PRKCA: variants seen among roughly 807,000 people sequenced by gnomAD.
The protein encoded by PRKCA is protein kinase C alpha.
PRKCA carries 27 observed loss-of-function variants against 87.0 expected under a neutral mutation model. That is an observed-to-expected ratio of 0.31 (90% CI 0.23 to 0.43). PRKCA has a LOEUF of 0.43. Among genes scored for constraint, PRKCA ranks in the 20% least tolerant of loss-of-function variants. The pLI, the probability that PRKCA is intolerant of heterozygous loss-of-function variation, is 1.00. For missense variants in PRKCA, 518 were observed against 852.3 expected, an observed-to-expected ratio of 0.61 and a Z score of 4.88; for synonymous variants, 329 against 311.1, an observed-to-expected ratio of 1.06 and a Z score of -0.61.
At chr17:66,776,397 G>A (rs149226689) in intron 14 of PRKCA, among the ~76,000 whole-genome samples, 2 of 152,182 alleles carry the variant, frequency 1.3e-5, no homozygotes, top group East Asian at 1.9e-4. Context: ...TGCACCCTCC[G>A]CCTCCCAGGT....
intron 3 of PRKCA, among the ~76,000 whole-genome samples, chr17:66,629,701 C>T (rs1002986249): frequency 1.1e-4 from 17 of 152,036 alleles, no homozygotes; most frequent in Admixed American, 9.2e-4. Flanking sequence ...AATGGTATCA[C>T]ATTTTAATAG....
In PRKCA at chr17:66,587,723, ATG is replaced by A. The variant is rs1319681888; in HGVS notation, c.289-53630_289-53629del. 9.0e-3 allele frequency among the ~76,000 whole-genome samples: 642 copies of A among 71,550 alleles called. 6 individuals carry two copies. Among genetic ancestry groups the A allele is most frequent in the Admixed American group, 0.014 (89 of 6,542 alleles). The allele number at this position is 71,550 out of a possible 152,430, so 46.9% of individuals were successfully genotyped here. On this transcript the variant is annotated intron_variant, in intron 3 of 16. Transcript: ENST00000413366. ...TACATATATACGTATATGTGTGTAT[ATG>A]TATACATATATACGTATATGTGTGT...
At chr17:66,572,851 A>G (rs546422617) in intron 3 of PRKCA, among the ~76,000 whole-genome samples, 17 of 152,282 alleles carry the variant, frequency 1.1e-4, no homozygotes, top group African/African-American at 4.1e-4. Context: ...AGTTTTTGCT[A>G]TAGTATGAGA....
intron 13 of PRKCA, among the ~76,000 whole-genome samples, chr17:66,749,609 G>A (rs1415511451): frequency 6.6e-6 from 1 of 152,176 alleles, no homozygotes; most frequent in Admixed American, 6.5e-5. Context: ...TCCACCACGG[G>A]CAGAATTTCA....
chr17:66,354,270 G>T (rs915276012), intron 2 of PRKCA, among the ~76,000 whole-genome samples: 1 of 152,122 alleles, frequency 6.6e-6, no homozygotes, highest in Non-Finnish European at 1.5e-5. Flanking sequence ...AATTATTTTT[G>T]TTATGAGTCA....
At chr17:66,528,897 A>G (rs953261134) in intron 3 of PRKCA, among the ~76,000 whole-genome samples, 7 of 152,192 alleles carry the variant, frequency 4.6e-5, no homozygotes, top group African/African-American at 1.4e-4. Flanking sequence ...TGACTTTTAA[A>G]TGTTAGAGGA....
At chr17:66,354,880 C>A (rs964352444) in intron 2 of PRKCA, among the ~76,000 whole-genome samples, 1 of 151,940 alleles carries the variant, frequency 6.6e-6, no homozygotes, top group Admixed American at 6.6e-5. Flanking sequence ...TTCTTTGTAT[C>A]TTCTAGTACA....
At chr17:66,319,197 A>G (rs1205954300) in intron 2 of PRKCA, among the ~76,000 whole-genome samples, 1 of 152,130 alleles carries the variant, frequency 6.6e-6, no homozygotes, top group African/African-American at 2.4e-5. Flanking sequence ...ATCTAATGAA[A>G]TGTTGTGGAA....
intron 3 of PRKCA, chr17:66,554,470 T>C: frequency 3.5e-6 from 3 of 850,144 alleles, no homozygotes; most frequent in Non-Finnish European, 4.3e-6. Context: ...AACTTTGGGC[T>C]GGAAGAGAAC....
At chr17:66,479,086 C>T (rs920201693) in intron 2 of PRKCA, among the ~76,000 whole-genome samples, 1 of 152,122 alleles carries the variant, frequency 6.6e-6, no homozygotes, top group Non-Finnish European at 1.5e-5. Context: ...GAGTAAACAA[C>T]CTACAGAATG....
At chr17:66,551,058 A>G (rs1968311318) in intron 3 of PRKCA, among the ~76,000 whole-genome samples, 2 of 152,098 alleles carry the variant, frequency 1.3e-5, no homozygotes, top group Non-Finnish European at 2.9e-5. Flanking sequence ...ATTTCACAGC[A>G]TCTTTTTTAA....
intron 3 of PRKCA, among the ~76,000 whole-genome samples, chr17:66,587,867 GTA>G (rs370389994): frequency 0.14 from 7,995 of 56,112 alleles, 1,132 homozygotes; most frequent in East Asian, 0.21. Context: ...ATATACATAT[GTA>G]TGTGTGTGTG....
intron 3 of PRKCA, among the ~76,000 whole-genome samples, chr17:66,544,203 G>A (rs1216875925): frequency 6.6e-6 from 1 of 151,926 alleles, no homozygotes; most frequent in South Asian, 2.1e-4. Flanking sequence ...CAGCCTGGGC[G>A]ACACAGCGAG....
chr17:66,720,956 G>T (rs1476866637), intron 8 of PRKCA, among the ~76,000 whole-genome samples: 1 of 152,136 alleles, frequency 6.6e-6, no homozygotes, highest in Non-Finnish European at 1.5e-5. Flanking sequence ...AGGTGAGAAT[G>T]AACACATTTA....
chr17:66,459,097 G>A (rs1161411872), intron 2 of PRKCA, among the ~76,000 whole-genome samples: 2 of 151,938 alleles, frequency 1.3e-5, no homozygotes, highest in Admixed American at 1.3e-4. Flanking sequence ...TAATGATTGA[G>A]CACACTGGCT....
chr17:66,800,484 T>C (rs1975875724), intron 16 of PRKCA, among the ~76,000 whole-genome samples: 1 of 152,232 alleles, frequency 6.6e-6, no homozygotes, highest in Non-Finnish European at 1.5e-5. Flanking sequence ...GTGACCCTTC[T>C]CTGGACACCA....
rs544641172 is a variant in PRKCA at position 66,630,509 on chromosome 17, G to C, written c.289-10846G>C. Among the ~76,000 whole-genome samples, 4 of 152,328 alleles carry C rather than the reference G, an allele frequency of 2.6e-5. No homozygotes were observed. The South Asian group carries it at 8.3e-4, about 32-fold the overall frequency. ...AAGTTTAGCTGCTTCAAGAAGCATT[G>C]ACAGACTGTCGTTCAGTTTCACCTC... On this transcript the variant is annotated intron_variant, in intron 3 of 16. Coordinates refer to ENST00000413366, the MANE Select transcript of PRKCA (RefSeq NM_002737.3).
At chr17:66,437,715 G>A (rs940027035) in intron 2 of PRKCA, among the ~76,000 whole-genome samples, 1 of 538 alleles carries the variant, frequency 1.9e-3, no homozygotes, top group Non-Finnish European at 5.4e-3. Flanking sequence ...GTTGTTTCAA[G>A]TTTCCTTTTT....
At chr17:66,349,491 G>A (rs1011656113) in intron 2 of PRKCA, among the ~76,000 whole-genome samples, 1 of 152,134 alleles carries the variant, frequency 6.6e-6, no homozygotes, top group Admixed American at 6.5e-5. Context: ...GGTTTGCAAA[G>A]AAACCATCAC....
Sources: allele counts gnomAD v4.1 joint callset (sites outside exome capture counted in the v4.1 genomes callset), GRCh38; gene constraint gnomAD v4.1.1; transcripts MANE v1.5; gene names NCBI Gene and HGNC (gene_info 2026-07-23, HGNC 2026-07-21).